Variants in FRAS1 observed in about 807,000 individuals in gnomAD.
FRAS1 encodes the protein extracellular matrix organizing protein FRAS1.
Under a neutral mutation model 435.2 loss-of-function variants are expected in FRAS1, and 290 were observed. The ratio of observed to expected loss-of-function variants is 0.67; its 90% CI spans 0.61 to 0.73. The LOEUF (loss-of-function observed/expected upper bound fraction) is 0.73. Ranked by LOEUF, FRAS1 falls within the 30% of genes least tolerant of loss-of-function variation. The probability of loss-of-function intolerance (pLI) is 0.00; values close to 1 mark genes in which losing one functional copy is unlikely to be tolerated. For missense variants in FRAS1, 4,860 were observed against 5,001.5 expected, an observed-to-expected ratio of 0.97 and a Z score of 0.85; for synonymous variants, 1,800 against 1,851.0, an observed-to-expected ratio of 0.97 and a Z score of 0.71.
intron 2 of FRAS1, among the ~76,000 whole-genome samples, chr4:78,112,003 A>G (rs190787998): frequency 1.8e-3 from 279 of 152,282 alleles, no homozygotes; most frequent in Admixed American, 3.6e-3. Context: ...AAATCCAGAA[A>G]AAAGCAATTT....
intron 69 of FRAS1, among the ~76,000 whole-genome samples, chr4:78,525,893 G>A (rs1419960995): frequency 2.0e-5 from 3 of 152,224 alleles, no homozygotes; most frequent in Non-Finnish European, 1.5e-5. Flanking sequence ...AAGTCCCCAA[G>A]TCCCCGTGAG....
At chr4:78,468,837 G>C (rs1282713066) in intron 50 of FRAS1, among the ~76,000 whole-genome samples, 1 of 152,138 alleles carries the variant, frequency 6.6e-6, no homozygotes, top group East Asian at 1.9e-4. Context: ...TATACTTCCA[G>C]TATAACAAAA....
At chr4:78,517,983 G>A (rs1721261641) in intron 66 of FRAS1, among the ~76,000 whole-genome samples, 1 of 152,074 alleles carries the variant, frequency 6.6e-6, no homozygotes, top group Admixed American at 6.5e-5. Context: ...TGGGAACAGT[G>A]GCTCATACCT....
At position 78,446,964 on chromosome 4, in the gene FRAS1, A is replaced by G. The variant is rs146913270; in HGVS notation, c.6010+84A>G. The G allele has an allele frequency of 3.3e-4, 434 of 1,313,852 alleles. 1 individual carries two copies. The African/African-American group carries it at 6.3e-3, about 19-fold the overall frequency. 81.4% of individuals were successfully genotyped at this position (1,313,852 alleles called of 1,614,324 possible). ...ATAAACACAAATATTTCAGTTGACT[A>G]TTTCTTTTCTTGTATATGGTACATT... is the stretch of plus-strand genomic sequence containing the variant. On this transcript the variant is annotated intron_variant, in intron 43 of 73. Transcript: ENST00000512123.
chr4:78,124,369 G>A (rs1719215920), intron 2 of FRAS1, among the ~76,000 whole-genome samples: 1 of 152,192 alleles, frequency 6.6e-6, no homozygotes, highest in Non-Finnish European at 1.5e-5. Context: ...GCTGGATTCA[G>A]TTTGCCAGTA....
chr4:78,441,248 T>G lies in FRAS1; in HGVS notation c.5616T>G (p.Ile1872Met). 1 of 1,613,606 alleles carries G rather than the reference T, an allele frequency of 6.2e-7. No individual in the cohort carries two copies. Among genetic ancestry groups the G allele is most frequent in the Non-Finnish European group, 8.5e-7 (1 of 1,179,704 alleles). The change falls in exon 41 of 74, where the codon ATT (isoleucine) becomes ATG (methionine). Residue 1872 changes from isoleucine to methionine, a missense_variant. Coordinates refer to ENST00000512123, the MANE Select transcript of FRAS1 (RefSeq NM_025074.7). ...ACAACCTCCAGAGAGATGCCATCATTAAACTAAGTGCTCTGCCCAAATATG... is the reference window on the plus strand; with the variant it reads ...ACAACCTCCAGAGAGATGCCATCATGAAACTAAGTGCTCTGCCCAAATATG... ...DDDNLQRDAIIKLSALPKYGC... is the reference protein window; with the variant it reads ...DDDNLQRDAIMKLSALPKYGC...
chr4:78,079,605 G>A (rs947611412), intron 2 of FRAS1, among the ~76,000 whole-genome samples: 1 of 152,124 alleles, frequency 6.6e-6, no homozygotes, highest in Non-Finnish European at 1.5e-5. Flanking sequence ...GTCAACATGT[G>A]TTTTTCATGC....
intron 4 of FRAS1, 103 bp from the exon 5 acceptor site, chr4:78,252,289 T>C (rs1324993299): frequency 2.6e-6 from 3 of 1,161,204 alleles, no homozygotes; most frequent in Non-Finnish European, 2.5e-6. Context: ...TTCCCTGAGC[T>C]CCATCCTTAA....
intron 1 of FRAS1, among the ~76,000 whole-genome samples, chr4:78,065,267 T>G (rs1038420826): frequency 2.0e-5 from 3 of 147,304 alleles, no homozygotes; most frequent in African/African-American, 7.4e-5. Flanking sequence ...ATGTATATAC[T>G]ATATATGTAA....
intron 69 of FRAS1, among the ~76,000 whole-genome samples, chr4:78,524,180 G>A (rs1232175401): frequency 6.6e-6 from 1 of 152,192 alleles, no homozygotes; most frequent in Admixed American, 6.5e-5. Context: ...TAGATTGTGA[G>A]CTTCTCCAGA....
chr4:78,395,609 A>G (rs1015838620), intron 29 of FRAS1, among the ~76,000 whole-genome samples: 2 of 152,046 alleles, frequency 1.3e-5, no homozygotes, highest in East Asian at 1.9e-4. Context: ...ATTATATAAT[A>G]TCTTCTTTGT....
At chr4:78,458,152 T>G (rs1365089299) in intron 47 of FRAS1, among the ~76,000 whole-genome samples, 1 of 152,194 alleles carries the variant, frequency 6.6e-6, no homozygotes, top group Non-Finnish European at 1.5e-5. Flanking sequence ...CAGGGATGTG[T>G]GAGCTGCAGG....
At chr4:78,282,083 T>C (rs910812328) in intron 11 of FRAS1, among the ~76,000 whole-genome samples, 2 of 152,234 alleles carry the variant, frequency 1.3e-5, no homozygotes, top group Non-Finnish European at 2.9e-5. Flanking sequence ...ATAAGCGTTT[T>C]ATAAAATTGT....
intron 4 of FRAS1, among the ~76,000 whole-genome samples, chr4:78,249,982 T>C (rs571293142): frequency 1.3e-5 from 2 of 152,278 alleles, no homozygotes; most frequent in South Asian, 4.1e-4. Context: ...TTCAAGTTGT[T>C]CTATATAGTC....
Position 78,086,461 on chromosome 4 carries a change from C to A in FRAS1, c.108+20445C>A, listed in dbSNP as rs556784294. On this transcript the variant is annotated intron_variant, in intron 2 of 73. Coordinates refer to ENST00000512123, the MANE Select transcript of FRAS1 (RefSeq NM_025074.7). The stretch of plus-strand genomic sequence containing the variant: ...TGAAGGAGATAGAGACACAAAAAAC[C>A]GTTCAAAAAATCAATGAATCCAGGA... Among the ~76,000 whole-genome samples the A allele has an allele frequency of 4.6e-5, 7 of 152,056 alleles. No homozygotes were observed. The South Asian group carries it at 1.5e-3, about 32-fold the overall frequency.
chr4:78,168,583 C>G (rs1028694032), intron 2 of FRAS1, among the ~76,000 whole-genome samples: 1 of 151,896 alleles, frequency 6.6e-6, no homozygotes, highest in East Asian at 1.9e-4. Flanking sequence ...TACCTTTTCT[C>G]CTTTTATCAG....
Position 78,488,949 on chromosome 4 carries a change from C to G in FRAS1, c.8827C>G (p.Arg2943Gly). 6.2e-7 allele frequency: 1 copy of G among 1,613,524 alleles called. No homozygotes were observed. The highest frequency in any genetic ancestry group is 1.3e-5 in the African/African-American group (1 of 75,020). ...GGGTGTCCTGCATGTCCCTATCACT[C>G]GGAGCGGAGACCTGAGCTATGAGTC... is the stretch of plus-strand genomic sequence containing the variant. ...KEGVLHVPIT[R>G]SGDLSYESSV... Residue 2943 changes from arginine to glycine, a missense_variant, in exon 59 of 74, where the codon CGG (arginine) becomes GGG (glycine). Coordinates refer to ENST00000512123, the MANE Select transcript of FRAS1 (RefSeq NM_025074.7).
chr4:78,320,397 G>A (rs541554265), intron 18 of FRAS1, among the ~76,000 whole-genome samples: 1 of 152,168 alleles, frequency 6.6e-6, no homozygotes, highest in African/African-American at 2.4e-5. Context: ...CTTTCCTTAG[G>A]GACCCCACAG....
intron 9 of FRAS1, among the ~76,000 whole-genome samples, chr4:78,268,641 G>T (rs1197254102): frequency 6.6e-6 from 1 of 152,178 alleles, no homozygotes; most frequent in Non-Finnish European, 1.5e-5. Context: ...TTCTGGTAGG[G>T]TGGGCCCTTT....
Sources: allele counts gnomAD v4.1 joint callset (sites outside exome capture counted in the v4.1 genomes callset), GRCh38; gene constraint gnomAD v4.1.1; transcripts MANE v1.5; gene names NCBI Gene and HGNC (gene_info 2026-07-23, HGNC 2026-07-21).